The following ATAD2B variants were observed in gnomAD, a reference collection of about 807,000 sequenced individuals.
The protein encoded by ATAD2B is ATPase family AAA domain containing 2B.
Under a neutral mutation model 167.6 loss-of-function variants are expected in ATAD2B, and 40 were observed. The ratio of observed to expected loss-of-function variants is 0.24; its 90% CI spans 0.19 to 0.31. The LOEUF is 0.31. ATAD2B is among the 10% of genes least tolerant of loss of function. ATAD2B has a pLI of 1.00. For synonymous variants in ATAD2B, 579 were observed against 596.5 expected (o/e 0.97, Z 0.43); for missense variants, 1,242 against 1,757.2 (o/e 0.71, Z 5.24).
At chr2:23,847,992 CAA>C (rs529339468) in intron 13 of ATAD2B, among the ~76,000 whole-genome samples, 28 of 90,742 alleles carry the variant, frequency 3.1e-4, no homozygotes, top group African/African-American at 4.5e-4. Context: ...GACTTCATCC[CAA>C]AAAAAAAAAA....
At chr2:23,680,671 C>CTCTCTAGGCCATCTTCCCCTGGGG in the ATAD2B span, among the ~76,000 whole-genome samples, 1 of 140,162 alleles carries the variant, frequency 7.1e-6, no homozygotes, top group African/African-American at 2.6e-5. The surrounding 1 kb of genome is among the most constrained non-coding windows in gnomAD (Gnocchi z 4.1). Context: ...TTCTCCTGGG[C>CTCTCTAGGCCATCTTCCCCTGGGG]TCTCTAGGCC....
chr2:23,739,287 C>A, the ATAD2B span, among the ~76,000 whole-genome samples: 2 of 152,194 alleles, frequency 1.3e-5, no homozygotes, highest in South Asian at 2.1e-4. Context: ...CAAAATTGAC[C>A]ACATAGTTGG....
chr2:23,914,446 A>C (rs1558794645), intron 1 of ATAD2B, among the ~76,000 whole-genome samples: 1 of 152,162 alleles, frequency 6.6e-6, no homozygotes, highest in Non-Finnish European at 1.5e-5. Context: ...GAAGGAAAGC[A>C]AAAAAAGTTA....
the ATAD2B span, chr2:23,684,355 C>T: frequency 8.0e-7 from 1 of 1,244,534 alleles, no homozygotes; most frequent in Non-Finnish European, 1.0e-6. The surrounding 1 kb of genome is among the most constrained non-coding windows in gnomAD (Gnocchi z 4.4). Context: ...AAAAAAAAAA[C>T]TCTTAATGGG....
At chr2:23,703,746 T>C in the ATAD2B span, 1 of 1,537,206 alleles carries the variant, frequency 6.5e-7, no homozygotes, top group Non-Finnish European at 8.7e-7. Flanking sequence ...GCTGTCACGC[T>C]CAATGGCTTC....
intron 18 of ATAD2B, 108 bp downstream of exon 18, chr2:23,810,208 T>A (rs1685335955): frequency 2.1e-6 from 2 of 966,324 alleles, no homozygotes; most frequent in South Asian, 4.4e-5. Context: ...AAGTTAATAT[T>A]CATATCGTAC....
chr2:23,857,478 A>G lies in ATAD2B; in HGVS notation c.1505T>C (p.Ile502Thr). 6.6e-7 allele frequency: 1 copy of G among 1,508,200 alleles called. No homozygotes were observed. Among genetic ancestry groups the G allele is most frequent in the Admixed American group, 2.4e-5 (1 of 41,244 alleles). The allele number at this position is 1,508,200 out of a possible 1,614,324, so 93.4% of individuals were successfully genotyped here. A position where few individuals can be genotyped will look rare whatever the true frequency, so the allele number is the denominator to read the frequency against. ...TAATCCATCTATTTCATCAAAAAAT[A>G]TTATAGAAGGTCTCATCAAATATGC... Reference protein sequence around the residue: ...DQAYLMRPSIIFFDEIDGLAP... With the variant: ...DQAYLMRPSITFFDEIDGLAP... The change falls in exon 13 of 28, where the codon ATA becomes ACA. Residue 502 changes from isoleucine (I) to threonine (T), a missense_variant. Ile to Thr is a moderately conservative substitution (Grantham distance 89, BLOSUM62 -1). This residue lies in a region of ATAD2B where 151 missense variants were observed against 284.1 expected (regional missense o/e 0.53). Coordinates refer to ENST00000238789, the MANE Select transcript of ATAD2B (RefSeq NM_017552.4).
At chr2:23,882,598 G>A (rs1000043481) in intron 6 of ATAD2B, among the ~76,000 whole-genome samples, 1 of 151,130 alleles carries the variant, frequency 6.6e-6, no homozygotes, top group Admixed American at 6.6e-5. Context: ...CACGAGGTCA[G>A]GAGATCGAGA....
intron 8 of ATAD2B, among the ~76,000 whole-genome samples, chr2:23,870,524 G>C (rs1411468304): frequency 6.6e-6 from 1 of 151,784 alleles, no homozygotes; most frequent in Non-Finnish European, 1.5e-5. Flanking sequence ...GAGCTCAAGT[G>C]ATCTACCCAC....
At chr2:23,913,257 T>G (rs1702556441) in intron 1 of ATAD2B, among the ~76,000 whole-genome samples, 1 of 152,184 alleles carries the variant, frequency 6.6e-6, no homozygotes, top group African/African-American at 2.4e-5. Context: ...GTGAGAGATG[T>G]TCCATGCTGT....
the ATAD2B span, among the ~76,000 whole-genome samples, chr2:23,686,168 T>TC: frequency 1 from 152,126 of 152,126 alleles, 76,063 homozygotes; most frequent in Non-Finnish European, 1. Context: ...CAGATGGCCC[T>TC]CCAGAGGGGG....
intron 6 of ATAD2B, among the ~76,000 whole-genome samples, chr2:23,881,297 G>A (rs1468253415): frequency 2.0e-5 from 3 of 151,850 alleles, no homozygotes; most frequent in African/African-American, 4.8e-5. Context: ...GCATTGAGAG[G>A]GAGCATGAAA....
chr2:23,764,257 T>C (rs1175402868), intron 23 of ATAD2B, among the ~76,000 whole-genome samples: 1 of 152,238 alleles, frequency 6.6e-6, no homozygotes, highest in Non-Finnish European at 1.5e-5. Flanking sequence ...TGTTACTTCT[T>C]CCCGCCAAGG....
At chr2:23,913,597 G>A (rs986085177) in intron 1 of ATAD2B, among the ~76,000 whole-genome samples, 9 of 149,644 alleles carry the variant, frequency 6.0e-5, no homozygotes, top group African/African-American at 2.0e-4. Context: ...CCGAGATCAT[G>A]CCACTGCACT....
chr2:23,863,318 A>C, intron 12 of ATAD2B, 63 bp downstream of exon 12: 1 of 1,489,126 alleles, frequency 6.7e-7, no homozygotes, highest in Non-Finnish European at 9.0e-7. Context: ...GTCTCAAAAA[A>C]ACAAAGAAAG....
intron 13 of ATAD2B, among the ~76,000 whole-genome samples, chr2:23,850,695 G>T (rs561849078): frequency 7.9e-5 from 12 of 152,112 alleles, no homozygotes; most frequent in Non-Finnish European, 1.8e-4. Flanking sequence ...ATGAATAGAC[G>T]ATTTGGGGGA....
Position 23,918,682 on chromosome 2 carries a change from GTA to G in ATAD2B, c.216+7871_216+7872del, listed in dbSNP as rs202083599. Reference sequence around the variant, plus strand: ...GGTAAAAGTTGTCTATAAACAGTAGGTATACTTACAGTATACAACAGCTGCCA... The same window carrying G: ...GGTAAAAGTTGTCTATAAACAGTAGGTACTTACAGTATACAACAGCTGCCA... On this transcript the variant is annotated intron_variant, in intron 1 of 27. Coordinates refer to ENST00000238789, the MANE Select transcript of ATAD2B (RefSeq NM_017552.4). Among the ~76,000 whole-genome samples, 331 of 152,176 alleles carry G rather than the reference GTA, an allele frequency of 2.2e-3. 10 individuals are homozygous for G. In the East Asian group the frequency reaches 0.052, roughly 24 times the overall value.
intron 10 of ATAD2B, among the ~76,000 whole-genome samples, chr2:23,867,594 C>G (rs755188483): frequency 3.9e-5 from 6 of 152,152 alleles, no homozygotes; most frequent in African/African-American, 1.4e-4. Flanking sequence ...GTTTATGAAG[C>G]CTTGCCCCTC....
rs184005505 is a variant in ATAD2B, at chr2:23,852,428, A to G, written c.1568+4987T>C. On this transcript the variant is annotated intron_variant, in intron 13 of 27. Transcript: ENST00000238789. Reference sequence around the variant, plus strand: ...GCATGCACCATCACACCCAGTGTATATCTCATCTAATACACATCAAAATTA... The same window carrying G: ...GCATGCACCATCACACCCAGTGTATGTCTCATCTAATACACATCAAAATTA... Among the ~76,000 whole-genome samples the G allele has an allele frequency of 2.9e-3, 439 of 152,270 alleles. 2 individuals are homozygous for G. Among genetic ancestry groups the G allele is most frequent in the African/African-American group, 0.01 (420 of 41,564 alleles).
Sources: gnomAD v4.1 joint callset for allele counts (sites outside exome capture counted in the v4.1 genomes callset) on GRCh38, gnomAD v4.1.1 for gene constraint, gnomAD v4.1.1 regional missense constraint, Gnocchi (gnomAD v3.1) non-coding constraint, MANE v1.5 for transcripts, NCBI Gene and HGNC (gene_info 2026-07-23, HGNC 2026-07-21) for gene names.